The following PCCA variants were observed in gnomAD, a reference collection of about 807,000 sequenced individuals.
PCCA encodes the protein propionyl-CoA carboxylase alpha chain, mitochondrial.
In PCCA, 74 loss-of-function variants were observed where a neutral mutation model predicts 101.3. That is an observed-to-expected ratio of 0.73 (90% CI 0.61 to 0.89). The LOEUF (loss-of-function observed/expected upper bound fraction) is 0.89. PCCA is among the 40% of genes least tolerant of loss of function. PCCA has a pLI of 0.00. For synonymous variants in PCCA, 294 were observed against 313.6 expected (o/e 0.94, Z 0.66); for missense variants, 891 against 907.0 (o/e 0.98, Z 0.23).
chr13:100,206,821 G>C (rs1405108942), intron 6 of PCCA, among the ~76,000 whole-genome samples: 1 of 152,136 alleles, frequency 6.6e-6, no homozygotes, highest in Admixed American at 6.5e-5. Context: ...CAGATCCTAA[G>C]ACCTTCATGT....
intron 12 of PCCA, among the ~76,000 whole-genome samples, chr13:100,275,463 A>C (rs867504833): frequency 2.0e-5 from 3 of 152,052 alleles, no homozygotes; most frequent in Non-Finnish European, 4.4e-5. Flanking sequence ...TTTGCGTGCT[A>C]TGGCTTTCTT....
chr13:100,464,235 G>C (rs183860862), intron 21 of PCCA, among the ~76,000 whole-genome samples: 9 of 152,268 alleles, frequency 5.9e-5, no homozygotes, highest in Admixed American at 1.3e-4. Flanking sequence ...GGGCAGGGGT[G>C]GGGGAGGAAT....
intron 21 of PCCA, among the ~76,000 whole-genome samples, chr13:100,513,679 C>T (rs568568390): frequency 2.6e-4 from 40 of 152,124 alleles, no homozygotes; most frequent in African/African-American, 8.0e-4. Context: ...ATATTCTCAG[C>T]GAATGAAGAT....
At chr13:100,432,587 C>T (rs1745799) in intron 20 of PCCA, among the ~76,000 whole-genome samples, 4,425 of 152,276 alleles carry the variant, frequency 0.029, 223 homozygotes, top group African/African-American at 0.1. Context: ...GCTTTTCAGT[C>T]AGCAGTGGAG....
chr13:100,223,949 C>T (rs1442280874), intron 7 of PCCA, among the ~76,000 whole-genome samples: 1 of 152,266 alleles, frequency 6.6e-6, no homozygotes, highest in East Asian at 1.9e-4. Context: ...TAAAGGTTCT[C>T]CATGTCCTCA....
intron 2 of PCCA, among the ~76,000 whole-genome samples, chr13:100,110,342 G>A (rs2048196676): frequency 1.3e-5 from 2 of 152,124 alleles, no homozygotes; most frequent in Admixed American, 6.6e-5. Context: ...TTTGAAAAAC[G>A]ATTAGCTTGT....
intron 19 of PCCA, among the ~76,000 whole-genome samples, chr13:100,397,454 A>G (rs965737522): frequency 3.3e-5 from 5 of 152,112 alleles, no homozygotes; most frequent in Non-Finnish European, 7.3e-5. Flanking sequence ...CTTTAGACTC[A>G]TTTCTCTGAA....
chr13:100,511,300 T>C (rs1180571504), intron 21 of PCCA, among the ~76,000 whole-genome samples: 2 of 152,238 alleles, frequency 1.3e-5, no homozygotes, highest in African/African-American at 2.4e-5. Context: ...AGCTCTGAGT[T>C]AGGACAGTAG....
At chr13:100,208,549 T>A (rs1322305378) in intron 6 of PCCA, among the ~76,000 whole-genome samples, 1 of 152,190 alleles carries the variant, frequency 6.6e-6, no homozygotes, top group African/African-American at 2.4e-5. Context: ...TCTCAGCAAA[T>A]ACCCCCATTA....
At chr13:100,416,524 G>GTGTA (rs1326144231) in intron 19 of PCCA, among the ~76,000 whole-genome samples, 2 of 150,626 alleles carry the variant, frequency 1.3e-5, no homozygotes, top group Non-Finnish European at 3.0e-5. Flanking sequence ...GTGTGTGTGT[G>GTGTA]TGTGTGTGTG....
At chr13:100,498,697 G>A (rs1400136384) in intron 21 of PCCA, among the ~76,000 whole-genome samples, 4 of 151,968 alleles carry the variant, frequency 2.6e-5, no homozygotes, top group African/African-American at 4.8e-5. Context: ...TACTGTTTGC[G>A]TGTGACTTCT....
At chr13:100,328,917 C>G (rs2069112182) in intron 16 of PCCA, among the ~76,000 whole-genome samples, 1 of 151,078 alleles carries the variant, frequency 6.6e-6, no homozygotes, top group Admixed American at 6.6e-5. Flanking sequence ...TGGTCTCGAA[C>G]TCCTTACCTC....
intron 21 of PCCA, among the ~76,000 whole-genome samples, chr13:100,495,001 G>GC (rs1188134555): frequency 6.6e-6 from 1 of 152,072 alleles, no homozygotes; most frequent in Non-Finnish European, 1.5e-5. Context: ...AGAGAAATTT[G>GC]CTGGTAGGAG....
At chr13:100,521,922 C>T (rs1366925435) in intron 22 of PCCA, among the ~76,000 whole-genome samples, 1 of 152,172 alleles carries the variant, frequency 6.6e-6, no homozygotes, top group African/African-American at 2.4e-5. Flanking sequence ...GGCAGAAAAA[C>T]ACAGAATGTA....
intron 1 of PCCA, among the ~76,000 whole-genome samples, chr13:100,101,569 A>G (rs931141860): frequency 1.3e-5 from 2 of 152,070 alleles, no homozygotes; most frequent in East Asian, 3.8e-4. Flanking sequence ...CTCCACTTTT[A>G]TACAGAGATT....
chr13:100,265,383 C>T (rs759792600), intron 10 of PCCA, among the ~76,000 whole-genome samples: 10 of 152,138 alleles, frequency 6.6e-5, no homozygotes, highest in Non-Finnish European at 1.0e-4. Context: ...CCTTTTGTTG[C>T]ATATTAAGTG....
At chr13:100,504,553 G>A (rs1159880437) in intron 21 of PCCA, among the ~76,000 whole-genome samples, 1 of 152,204 alleles carries the variant, frequency 6.6e-6, no homozygotes, top group Non-Finnish European at 1.5e-5. Flanking sequence ...CTGTCCATCT[G>A]TGGACATGTT....
At chr13:100,102,342 G>A (rs1188013831) in intron 1 of PCCA, among the ~76,000 whole-genome samples, 1 of 152,064 alleles carries the variant, frequency 6.6e-6, no homozygotes. Context: ...ATTAAGATAC[G>A]CTTTCTTCAC....
chr13:100,380,137 G>A (rs1567036902), intron 19 of PCCA, among the ~76,000 whole-genome samples: 1 of 152,122 alleles, frequency 6.6e-6, no homozygotes, highest in Non-Finnish European at 1.5e-5. Context: ...CAAGGCAGGA[G>A]GATGACTTGA....
Sources: gnomAD v4.1 joint callset for allele counts (sites outside exome capture counted in the v4.1 genomes callset) on GRCh38, gnomAD v4.1.1 for gene constraint, MANE v1.5 for transcripts, NCBI Gene and HGNC (gene_info 2026-07-23, HGNC 2026-07-21) for gene names.